The following ZNF385D variants were observed in gnomAD, a reference collection of about 807,000 sequenced individuals.
ZNF385D encodes zinc finger protein 659.
In ZNF385D, 15 loss-of-function variants were observed where a neutral mutation model predicts 35.8. That is an observed-to-expected ratio of 0.42 (90% CI 0.28 to 0.64). The LOEUF is 0.64. Among genes scored for constraint, ZNF385D ranks in the 30% least tolerant of loss-of-function variants. The probability of loss-of-function intolerance (pLI) is 0.23; values close to 1 mark genes in which losing one functional copy is unlikely to be tolerated. For synonymous variants in ZNF385D, 212 were observed against 186.8 expected (o/e 1.13, Z -1.10); for missense variants, 474 against 494.6 (o/e 0.96, Z 0.39).
At chr3:21,787,275 G>A (rs924123716) in intron 3 of ZNF385D, among the ~76,000 whole-genome samples, 2 of 152,090 alleles carry the variant, frequency 1.3e-5, no homozygotes, top group African/African-American at 2.4e-5. Flanking sequence ...CAAACAGAGA[G>A]CATACCTCCT....
chr3:22,236,062 A>T (rs903988365), intron 2 of ZNF385D, among the ~76,000 whole-genome samples: 2 of 152,126 alleles, frequency 1.3e-5, no homozygotes, highest in African/African-American at 4.8e-5. Context: ...TTGGGGAAAA[A>T]AAGGAACCTG....
chr3:21,819,247 A>C lies in ZNF385D; in HGVS notation c.326-154219T>G, dbSNP rs138114692. Among the ~76,000 whole-genome samples the C allele has an allele frequency of 6.2e-4, 94 of 152,076 alleles. No individual in the cohort carries two copies. In the East Asian group the frequency reaches 0.018, roughly 29 times the overall value. On this transcript the variant is annotated intron_variant, in intron 3 of 5. Transcript: ENST00000494108. ...AATAAAAGGCACACAATAAGATGTT[A>C]GAAATGAATTTAACATATCATTAAT... is the stretch of plus-strand genomic sequence containing the variant.
At chr3:21,577,754 A>G (rs1382684744) in intron 2 of ZNF385D, among the ~76,000 whole-genome samples, 5 of 150,554 alleles carry the variant, frequency 3.3e-5, no homozygotes, top group African/African-American at 1.2e-4. Flanking sequence ...CATTTCGTTG[A>G]TAATTAGTGA....
chr3:21,722,199 C>A (rs941163308), intron 1 of ZNF385D, among the ~76,000 whole-genome samples: 1 of 152,080 alleles, frequency 6.6e-6, no homozygotes, highest in African/African-American at 2.4e-5. Context: ...ATGGCAGCCC[C>A]CAGCAAAGTT....
chr3:21,760,168 T>A (rs556452137), intron 3 of ZNF385D, among the ~76,000 whole-genome samples: 1 of 152,346 alleles, frequency 6.6e-6, no homozygotes, highest in Admixed American at 6.5e-5. Flanking sequence ...TCTCTGATCC[T>A]TTTGGTGGAT....
At chr3:22,037,419 T>C (rs1238391302) in intron 3 of ZNF385D, among the ~76,000 whole-genome samples, 3 of 151,992 alleles carry the variant, frequency 2.0e-5, no homozygotes, top group East Asian at 1.9e-4. Context: ...TGGTGTGAGA[T>C]GGTATCTCAT....
chr3:21,825,869 A>G (rs1033411769), intron 3 of ZNF385D, among the ~76,000 whole-genome samples: 5 of 152,194 alleles, frequency 3.3e-5, no homozygotes, highest in African/African-American at 1.2e-4. Flanking sequence ...CGGGAAAGCC[A>G]AAGGTTACGG....
chr3:21,458,166 CAAGGTT>C, intron 4 of ZNF385D, among the ~76,000 whole-genome samples: 1 of 152,082 alleles, frequency 6.6e-6, no homozygotes, highest in East Asian at 1.9e-4. Flanking sequence ...AAATGTAACT[CAAGGTT>C]AAGAAACAGA....
chr3:22,252,840 G>T (rs1700131529), intron 2 of ZNF385D, among the ~76,000 whole-genome samples: 1 of 152,068 alleles, frequency 6.6e-6, no homozygotes, highest in Admixed American at 6.6e-5. Context: ...GCTGAGTTGA[G>T]AAGATACAAA....
Position 22,087,337 on chromosome 3 carries a change from C to A in ZNF385D, c.325+81480G>T, listed in dbSNP as rs187327165. On this transcript the variant is annotated intron_variant, in intron 3 of 5. Coordinates refer to the ZNF385D transcript ENST00000494108. ...TTTTATTTATATTTTTTTCTGAACA[C>A]ATGAACACTCAGAGAAATAAAAAGA... Among the ~76,000 whole-genome samples the A allele has an allele frequency of 2.2e-4, 33 of 152,094 alleles. No individual in the cohort carries two copies. The East Asian group carries it at 5.8e-3, about 27-fold the overall frequency.
chr3:22,306,716 G>C (rs920897980), intron 2 of ZNF385D, among the ~76,000 whole-genome samples: 1 of 152,124 alleles, frequency 6.6e-6, no homozygotes, highest in Admixed American at 6.6e-5. Flanking sequence ...TTGTCAGAGA[G>C]TTGGAGAGAT....
intron 1 of ZNF385D, among the ~76,000 whole-genome samples, chr3:21,706,807 T>C (rs1361437197): frequency 6.9e-6 from 1 of 143,890 alleles, no homozygotes; most frequent in Non-Finnish European, 1.5e-5. Context: ...GACACAAAGA[T>C]AATAGATGAT....
At chr3:21,948,929 C>T (rs889092921) in intron 3 of ZNF385D, among the ~76,000 whole-genome samples, 1 of 151,962 alleles carries the variant, frequency 6.6e-6, no homozygotes, top group Non-Finnish European at 1.5e-5. Context: ...ATAGTTTTAC[C>T]AATTACATTG....
Position 21,664,878 on chromosome 3 carries a change from G to T in ZNF385D, c.165+8C>A. On this transcript the variant is annotated splice_region_variant and intron_variant, in intron 2 of 7. Coordinates refer to ENST00000281523, the MANE Select transcript of ZNF385D (RefSeq NM_024697.3). ...ACTCAGGCAAAGACAAATTTGGCAG[G>T]TACTTACCGCATTGAAATTGGGGAA... 6.2e-7 allele frequency: 1 copy of T among 1,613,528 alleles called. No homozygotes were observed. Among genetic ancestry groups the T allele is most frequent in the South Asian group, 1.1e-5 (1 of 91,070 alleles).
At chr3:21,909,338 A>G (rs936768382) in intron 3 of ZNF385D, among the ~76,000 whole-genome samples, 2 of 152,020 alleles carry the variant, frequency 1.3e-5, no homozygotes, top group African/African-American at 4.8e-5. Context: ...ACAACACAAA[A>G]TAACTCTCAT....
intron 2 of ZNF385D, among the ~76,000 whole-genome samples, chr3:22,224,746 G>A (rs1698455521): frequency 2.6e-5 from 4 of 152,140 alleles, no homozygotes; most frequent in Admixed American, 2.6e-4. Flanking sequence ...AATGAACCTT[G>A]GGACACCAAT....
At chr3:21,617,899 T>C (rs981863656) in intron 2 of ZNF385D, among the ~76,000 whole-genome samples, 1 of 152,176 alleles carries the variant, frequency 6.6e-6, no homozygotes, top group Admixed American at 6.5e-5. Context: ...AAGCTTTCTG[T>C]AGCTGACAAA....
At chr3:21,476,226 G>A (rs1397940444) in intron 4 of ZNF385D, among the ~76,000 whole-genome samples, 1 of 151,988 alleles carries the variant, frequency 6.6e-6, no homozygotes, top group African/African-American at 2.4e-5. Flanking sequence ...CCACTTTATT[G>A]GTGATCTCAG....
intron 3 of ZNF385D, among the ~76,000 whole-genome samples, chr3:21,825,569 C>G (rs1694553295): frequency 6.6e-6 from 1 of 152,074 alleles, no homozygotes; most frequent in Admixed American, 6.6e-5. Flanking sequence ...AATTTTCACT[C>G]TGCATTCTTC....
Sources: gnomAD v4.1 joint callset for allele counts (sites outside exome capture counted in the v4.1 genomes callset) on GRCh38, gnomAD v4.1.1 for gene constraint, MANE v1.5 for transcripts, NCBI Gene and HGNC (gene_info 2026-07-23, HGNC 2026-07-21) for gene names.